Variants in SCML2 observed in about 807,000 individuals in gnomAD.
SCML2 encodes sex comb on midleg-like protein 2.
In SCML2, 6 loss-of-function variants were observed where a neutral mutation model predicts 48.4. That is an observed-to-expected ratio of 0.12 (90% confidence interval 0.07 to 0.24). The LOEUF is 0.24. Ranked by LOEUF, SCML2 falls within the 10% of genes least tolerant of loss-of-function variation. SCML2 has a pLI of 1.00. For synonymous variants in SCML2, 181 were observed against 189.5 expected, an observed-to-expected ratio of 0.95 and a Z score of 0.37; for missense variants, 377 against 528.2, an observed-to-expected ratio of 0.71 and a Z score of 2.81.
chrX:18,305,099 T>G lies in SCML2; in HGVS notation c.603A>C (p.Glu201Asp). 6 of 1,211,299 alleles carry G rather than the reference T, an allele frequency of 5.0e-6. No homozygotes were observed. Among genetic ancestry groups the G allele is most frequent in the Non-Finnish European group, 6.7e-6 (6 of 895,316 alleles). The change falls in exon 7 of 15, where the codon GAA becomes GAC. Residue 201 changes from glutamate (E) to aspartate (D), a missense_variant. Coordinates refer to ENST00000251900, the MANE Select transcript of SCML2 (RefSeq NM_006089.3). ...TCCAGCCATCAAATGTGATATGAAC[T>G]TCATCCCCTTTAACATCTCCAATGG... The part of the protein sequence containing the change: ...PATIGDVKGD[E>D]VHITFDGWSG...
At chrX:18,251,095 T>C (rs1297531516) in intron 11 of SCML2, among the ~76,000 whole-genome samples, 2 of 109,243 alleles carry the variant, frequency 1.8e-5, no homozygotes, top group Admixed American at 9.8e-5. Flanking sequence ...GGAACTATAA[T>C]TCAAGATGAG....
chrX:18,331,636 T>C (rs1480867810), intron 2 of SCML2, among the ~76,000 whole-genome samples: 2 of 112,118 alleles, frequency 1.8e-5, no homozygotes, highest in Non-Finnish European at 3.8e-5. Flanking sequence ...TGTTCCCCAA[T>C]TGTCTTAACT....
At chrX:18,253,999 G>A (rs745552366) in intron 11 of SCML2, among the ~76,000 whole-genome samples, 134 of 111,762 alleles carry the variant, frequency 1.2e-3, no homozygotes, top group African/African-American at 4.1e-3. Context: ...ATCCTTGTGC[G>A]AAGTGAGGGG....
At chrX:18,270,799 A>G (rs910736907) in intron 7 of SCML2, among the ~76,000 whole-genome samples, 2 of 111,490 alleles carry the variant, frequency 1.8e-5, no homozygotes, top group East Asian at 2.8e-4. Flanking sequence ...ATAAAACTTT[A>G]TATGTTCATA....
intron 9 of SCML2, among the ~76,000 whole-genome samples, chrX:18,258,597 C>T (rs1926945264): frequency 9.0e-6 from 1 of 111,328 alleles, no homozygotes; most frequent in Non-Finnish European, 1.9e-5. Flanking sequence ...TGAATATTTT[C>T]ATCTTTTAAT....
In SCML2 at chrX:18,350,619, C is replaced by T. The variant is rs1381923687; in HGVS notation, c.-25+3973G>A. On this transcript the variant is annotated intron_variant, in intron 1 of 14. Coordinates refer to ENST00000251900, the MANE Select transcript of SCML2 (RefSeq NM_006089.3). ...AATTAGCTGGGTGTGGCGGTACATG[C>T]CTGTAGTCCCAGCAACTGGGAAGGC... Among the ~76,000 whole-genome samples the T allele has an allele frequency of 6.5e-5, 7 of 107,939 alleles. No homozygotes were observed. In the East Asian group the frequency reaches 2.1e-3, roughly 32 times the overall value. The allele number at this position is 107,939 out of a possible 115,157, so 93.7% of individuals were successfully genotyped here. A position where few individuals can be genotyped will look rare whatever the true frequency, so the allele number is the denominator to read the frequency against.
chrX:18,256,646 A>T (rs1926853660), intron 11 of SCML2, among the ~76,000 whole-genome samples: 1 of 112,406 alleles, frequency 8.9e-6, no homozygotes, highest in Non-Finnish European at 1.9e-5. Context: ...AACATAAGTA[A>T]GCCATGGGCT....
At chrX:18,265,244 G>A (rs1927217222) in intron 8 of SCML2, among the ~76,000 whole-genome samples, 1 of 111,977 alleles carries the variant, frequency 8.9e-6, no homozygotes, top group Admixed American at 9.5e-5. Context: ...CCCTGCCCCA[G>A]TTTATTGAGG....
In SCML2 at chrX:18,243,838, G is replaced by A. The variant is rs1602069732; in HGVS notation, c.1823-1248C>T. On this transcript the variant is annotated intron_variant, in intron 13 of 14. Coordinates refer to ENST00000251900, the MANE Select transcript of SCML2 (RefSeq NM_006089.3). ...CCTAAAGTTAGTGTGGATAACTGAA[G>A]TGAATTTTGTACTTAGCTAGGAAGA... Among the ~76,000 whole-genome samples the A allele has an allele frequency of 3.6e-5, 4 of 111,937 alleles. No homozygotes were observed. In the South Asian group the frequency reaches 1.5e-3, roughly 42 times the overall value.
rs3213544 is a variant in SCML2, at chrX:18,323,914, G to A, written c.342C>T (p.Asp114=). ...NDFWRLVDSP[D]IQPVGTCEKE... The stretch of plus-strand genomic sequence containing the variant: ...TTTCACATGTCCCAACAGGTTGTAT[G>A]TCTGGGGAATCGACAAGCCTCCAAA... The change falls in exon 5 of 15, where the codon GAC becomes GAT. Residue 114 remains aspartate, a synonymous_variant. Transcript: ENST00000251900. The A allele has an allele frequency of 0.21, 255,660 of 1,208,255 alleles. 18,843 individuals carry two copies. Among genetic ancestry groups the A allele is most frequent in the Middle Eastern group, 0.31 (1,337 of 4,348 alleles).
intron 1 of SCML2, among the ~76,000 whole-genome samples, chrX:18,346,931 A>G: frequency 8.9e-6 from 1 of 111,832 alleles, no homozygotes; most frequent in Non-Finnish European, 1.9e-5. Context: ...CAGGATAGAA[A>G]AAGTGTATAT....
chrX:18,255,350 A>C (rs992524328), intron 11 of SCML2, among the ~76,000 whole-genome samples: 1 of 112,228 alleles, frequency 8.9e-6, no homozygotes, highest in Non-Finnish European at 1.9e-5. Context: ...TAACAGCAGG[A>C]ACTGAATTAA....
intron 9 of SCML2, among the ~76,000 whole-genome samples, chrX:18,259,387 C>T (rs908304032): frequency 1.1e-4 from 12 of 111,856 alleles, no homozygotes; most frequent in Admixed American, 6.7e-4. Flanking sequence ...CTTTCACACA[C>T]ACATAGTCTA....
At chrX:18,327,527 A>T (rs1373765868) in intron 3 of SCML2, among the ~76,000 whole-genome samples, 1 of 112,291 alleles carries the variant, frequency 8.9e-6, no homozygotes, top group Non-Finnish European at 1.9e-5. Flanking sequence ...AACCAATGAC[A>T]TTTGTAAAAT....
Position 18,240,043 on chromosome X carries a change from T to C in SCML2, c.*1208A>G, listed in dbSNP as rs926520627. ...GTCAGAACTAATATATCTTTCAAAG[T>C]GTAGCAGAATAAATGGCTCAGAACT... is the stretch of plus-strand genomic sequence containing the variant. On this transcript the variant is annotated 3_prime_UTR_variant, in exon 15 of 15. Coordinates refer to ENST00000251900, the MANE Select transcript of SCML2 (RefSeq NM_006089.3). 6 of 112,306 alleles carry C rather than the reference T, an allele frequency of 5.3e-5. No individual in the cohort carries two copies. The highest frequency in any genetic ancestry group is 1.9e-4 in the African/African-American group (6 of 30,852). 9.3% of individuals were successfully genotyped at this position (112,306 alleles called of 1,213,427 possible). A position where few individuals can be genotyped will look rare whatever the true frequency, so the allele number is the denominator to read the frequency against.
Position 18,334,074 on chromosome X carries a change from T to C in SCML2, c.-3A>G. ...CCTTCATTCACTGTTTGTCCCATGG[T>C]ATCCCTATTTGGTGTTGTTTCCTAC... On this transcript the variant is annotated 5_prime_UTR_variant, in exon 2 of 15. The change creates a new upstream start codon in the 5' untranslated region. Transcript: ENST00000251900. 8.4e-7 allele frequency: 1 copy of C among 1,194,379 alleles called. No individual in the cohort carries two copies. Among genetic ancestry groups the C allele is most frequent in the Non-Finnish European group, 1.1e-6 (1 of 885,721 alleles).
rs764359813 is a variant in SCML2 at position 18,349,661 on chromosome X, G to T, written c.-25+4931C>A. Among the ~76,000 whole-genome samples the T allele has an allele frequency of 2.2e-3, 241 of 111,649 alleles. 1 individual carries two copies. Among genetic ancestry groups the T allele is most frequent in the African/African-American group, 7.7e-3 (236 of 30,734 alleles). On this transcript the variant is annotated intron_variant, in intron 1 of 14. Coordinates refer to ENST00000251900, the MANE Select transcript of SCML2 (RefSeq NM_006089.3). Reference sequence around the variant, plus strand: ...TTTTTTAAAAAATTAGCTGGGCATGGTTGCGCACGCCTGTAATCCCAGCTC... The same window carrying T: ...TTTTTTAAAAAATTAGCTGGGCATGTTTGCGCACGCCTGTAATCCCAGCTC...
At chrX:18,326,223 T>C (rs1929475868) in intron 3 of SCML2, among the ~76,000 whole-genome samples, 1 of 112,494 alleles carries the variant, frequency 8.9e-6, no homozygotes, top group Non-Finnish European at 1.9e-5. Context: ...ACATATTATA[T>C]GTGGTATTAA....
chrX:18,332,435 G>A (rs769058959), intron 2 of SCML2, among the ~76,000 whole-genome samples: 1 of 112,223 alleles, frequency 8.9e-6, no homozygotes, highest in Admixed American at 9.5e-5. Flanking sequence ...GCCATTCAAC[G>A]TAACAGATCT....
Sources: gnomAD v4.1 joint callset for allele counts (sites outside exome capture counted in the v4.1 genomes callset) on GRCh38, gnomAD v4.1.1 for gene constraint, MANE v1.5 for transcripts, NCBI Gene and HGNC (gene_info 2026-07-23, HGNC 2026-07-21) for gene names.